The following CUX1 variants were observed in gnomAD, a reference collection of about 807,000 sequenced individuals.
CUX1 encodes the protein cut like homeobox 1.
In CUX1, 31 loss-of-function variants were observed where a neutral mutation model predicts 158.8. The observed-to-expected ratio is 0.20, with a 90% CI of 0.15 to 0.26. The LOEUF is 0.26. CUX1 is among the 10% of genes least tolerant of loss of function. The probability of loss-of-function intolerance (pLI) is 1.00; values close to 1 mark genes in which losing one functional copy is unlikely to be tolerated. For synonymous variants in CUX1, 879 were observed against 862.1 expected (o/e 1.02, Z -0.34); for missense variants, 1,589 against 2,014.6 (o/e 0.79, Z 4.04).
At chr7:101,893,300 G>A (rs1378338816) in intron 1 of CUX1, among the ~76,000 whole-genome samples, 4 of 150,536 alleles carry the variant, frequency 2.7e-5, no homozygotes, top group Admixed American at 6.6e-5. Flanking sequence ...GAGCAACTGC[G>A]CCTGGCAAGT....
Position 102,248,374 on chromosome 7 carries a change from G to T in CUX1, c.3888-38G>T. The stretch of plus-strand genomic sequence containing the variant: ...AGCACCAGAGGCCCTTTCCCCAGCA[G>T]CACCCCCCTCACGTCCCCGCCGCTT... On this transcript the variant is annotated intron_variant, in intron 23 of 23. Transcript: ENST00000292535. This position sits in a 1 kb window ranked among gnomAD's most constrained non-coding sequence, Gnocchi z 5.8. 1 of 1,535,042 alleles carries T rather than the reference G, an allele frequency of 6.5e-7. No individual in the cohort carries two copies. Among genetic ancestry groups the T allele is most frequent in the East Asian group, 2.5e-5 (1 of 40,740 alleles).
At chr7:101,945,641 C>T (rs1808276453) in intron 2 of CUX1, among the ~76,000 whole-genome samples, 1 of 152,162 alleles carries the variant, frequency 6.6e-6, no homozygotes, top group Non-Finnish European at 1.5e-5. Context: ...CTGGTCAGGG[C>T]TGTGGGGACT....
chr7:102,174,970 A>C (rs13228155), intron 10 of CUX1, among the ~76,000 whole-genome samples: 1 of 152,154 alleles, frequency 6.6e-6, no homozygotes, highest in African/African-American at 2.4e-5. Context: ...AACAAAAAAA[A>C]CAGATAGAGG....
intron 22 of CUX1, among the ~76,000 whole-genome samples, chr7:102,236,724 GC>G (rs1276874548): frequency 1.3e-5 from 2 of 152,232 alleles, no homozygotes; most frequent in East Asian, 3.8e-4. Flanking sequence ...GCAGCCCTCA[GC>G]CCTTAGGAGG....
chr7:102,074,403 A>C (rs1826470346), intron 4 of CUX1, among the ~76,000 whole-genome samples: 1 of 152,192 alleles, frequency 6.6e-6, no homozygotes, highest in Non-Finnish European at 1.5e-5. Context: ...CACCCAGCCC[A>C]GGAGTGACAG....
chr7:102,069,483 T>A (rs573121047), intron 3 of CUX1, among the ~76,000 whole-genome samples: 1 of 152,304 alleles, frequency 6.6e-6, no homozygotes, highest in East Asian at 1.9e-4. Context: ...ACGCAGTGGC[T>A]CACGCCTGTA....
At chr7:102,244,330 C>A (rs200207486) in intron 23 of CUX1, among the ~76,000 whole-genome samples, 1 of 150,126 alleles carries the variant, frequency 6.7e-6, no homozygotes, top group Non-Finnish European at 1.5e-5. Context: ...TTTGCCCCCT[C>A]AAAAAAAAAA....
intron 1 of CUX1, among the ~76,000 whole-genome samples, chr7:101,852,772 G>C (rs777409968): frequency 6.9e-6 from 1 of 144,234 alleles, no homozygotes; most frequent in Non-Finnish European, 1.5e-5. Context: ...CACCTCCTGG[G>C]TTCAAGCATT....
chr7:102,245,009 G>A (rs1424616054), intron 23 of CUX1, among the ~76,000 whole-genome samples: 1 of 152,118 alleles, frequency 6.6e-6, no homozygotes, highest in Non-Finnish European at 1.5e-5. Flanking sequence ...GAGCCAAAAA[G>A]GTTTTTGTTT....
chr7:101,927,387 G>A (rs925372843), intron 2 of CUX1, among the ~76,000 whole-genome samples: 10 of 152,066 alleles, frequency 6.6e-5, no homozygotes, highest in Non-Finnish European at 1.2e-4. Flanking sequence ...GGCCAAGTGC[G>A]GTAGCTCATT....
At chr7:101,835,717 A>G (rs1367775427) in intron 1 of CUX1, among the ~76,000 whole-genome samples, 1 of 152,126 alleles carries the variant, frequency 6.6e-6, no homozygotes, top group Non-Finnish European at 1.5e-5. Flanking sequence ...CAGTCCAATT[A>G]TACACTTTTA....
chr7:102,131,817 C>T (rs1404375220), intron 8 of CUX1, among the ~76,000 whole-genome samples: 2 of 151,632 alleles, frequency 1.3e-5, no homozygotes, highest in East Asian at 1.9e-4. Flanking sequence ...GGATTACAGG[C>T]GCGCACCACC....
chr7:102,242,754 G>A (rs1554535394), intron 23 of CUX1, among the ~76,000 whole-genome samples: 1 of 152,166 alleles, frequency 6.6e-6, no homozygotes, highest in East Asian at 1.9e-4. Context: ...GGCAGTCACT[G>A]CCCCCTGGCC....
intron 1 of CUX1, among the ~76,000 whole-genome samples, chr7:101,823,079 G>A (rs1242514132): frequency 2.0e-5 from 3 of 151,938 alleles, no homozygotes; most frequent in Non-Finnish European, 4.4e-5. Context: ...TTAATCCAAC[G>A]GCATTTCCTA....
At chr7:102,171,854 G>T (rs1791751925) in intron 10 of CUX1, among the ~76,000 whole-genome samples, 1 of 152,194 alleles carries the variant, frequency 6.6e-6, no homozygotes, top group South Asian at 2.1e-4. Flanking sequence ...GCTCTATGGA[G>T]CCCTCATCCT....
At chr7:101,927,375 T>C (rs34979360) in intron 2 of CUX1, among the ~76,000 whole-genome samples, 55,543 of 151,946 alleles carry the variant, frequency 0.37, 11,677 homozygotes, top group Middle Eastern at 0.53. Flanking sequence ...GAAAATTCAG[T>C]TGGCCAAGTG....
intron 4 of CUX1, among the ~76,000 whole-genome samples, chr7:102,081,325 T>C (rs1361932117): frequency 8.5e-6 from 1 of 117,366 alleles, no homozygotes. Context: ...ACTGATATGG[T>C]TTGGCTCTGT....
At chr7:101,887,149 G>T (rs1364520184) in intron 1 of CUX1, among the ~76,000 whole-genome samples, 2 of 152,200 alleles carry the variant, frequency 1.3e-5, no homozygotes, top group Non-Finnish European at 2.9e-5. Context: ...GGTTTGGAAG[G>T]GGCTTTGCTG....
chr7:101,976,692 T>C (rs576489565), intron 2 of CUX1, among the ~76,000 whole-genome samples: 1 of 152,260 alleles, frequency 6.6e-6, no homozygotes, highest in East Asian at 1.9e-4. Context: ...ATTGCACATA[T>C]TGAAAAACTC....
Sources: allele counts gnomAD v4.1 joint callset (sites outside exome capture counted in the v4.1 genomes callset), GRCh38; gene constraint gnomAD v4.1.1; non-coding constraint Gnocchi (gnomAD v3.1); transcripts MANE v1.5; gene names NCBI Gene and HGNC (gene_info 2026-07-23, HGNC 2026-07-21).